Variants in PSG1 observed in about 807,000 individuals in gnomAD.
PSG1 encodes pregnancy-specific beta-1-glycoprotein 1.
PSG1 carries 60 observed loss-of-function variants against 41.4 expected under a neutral mutation model. The observed-to-expected ratio is 1.45, with a 90% CI of 1.18 to 1.80. PSG1 has a LOEUF of 1.80. PSG1 is among the 40% of genes most tolerant of loss of function. The pLI, the probability that PSG1 is intolerant of heterozygous loss-of-function variation, is 0.00. For missense variants in PSG1, 806 were observed against 516.9 expected, an observed-to-expected ratio of 1.56 and a Z score of -5.42; for synonymous variants, 256 against 192.9, an observed-to-expected ratio of 1.33 and a Z score of -2.71.
Position 42,877,976 on chromosome 19 carries a change from G to T in PSG1, c.367C>A (p.His123Asn). ...TREDAGSYTL[H>N]IIKGDDGTRG... ...GTCCCATCATCTCCCTTTATGATGTGTAAGGTGTAGGATCCTGCGTCCTCC... is the reference window on the plus strand; with the variant it reads ...GTCCCATCATCTCCCTTTATGATGTTTAAGGTGTAGGATCCTGCGTCCTCC... The change falls in exon 2 of 6, where the codon CAC (histidine) becomes AAC (asparagine). Residue 123 changes from histidine (H) to asparagine (N), a missense_variant. His to Asn is a moderately conservative substitution (Grantham distance 68). Transcript: ENST00000436291. The T allele has an allele frequency of 6.2e-7, 1 of 1,612,446 alleles. No homozygotes were observed. Among genetic ancestry groups the T allele is most frequent in the Non-Finnish European group, 8.5e-7 (1 of 1,179,156 alleles).
chr19:42,877,952 T>C lies in PSG1; in HGVS notation c.391A>G (p.Thr131Ala), dbSNP rs765051793. ...TLHIIKGDDG[T>A]RGVTGRFTFT... ...GTGAAACGTCCAGTTACTCCTCTAGTCCCATCATCTCCCTTTATGATGTGT... is the reference window on the plus strand; with the variant it reads ...GTGAAACGTCCAGTTACTCCTCTAGCCCCATCATCTCCCTTTATGATGTGT... The change falls in exon 2 of 6, where the codon ACT becomes GCT. Residue 131 changes from threonine (T) to alanine (A), a missense_variant. Thr to Ala is a moderately conservative substitution (Grantham distance 58, BLOSUM62 0). Transcript: ENST00000436291. The C allele has an allele frequency of 2.5e-6, 4 of 1,612,358 alleles. No homozygotes were observed. The Admixed American group carries it at 6.7e-5, about 27-fold the overall frequency.
In PSG1 at chr19:42,878,216, T is replaced by G. The variant is rs707745; in HGVS notation, c.127A>C (p.Thr43Pro). Residue 43 changes from threonine to proline, a missense_variant, in exon 2 of 6, where the codon ACC (threonine) becomes CCC (proline). By Grantham distance (38) the Thr-to-Pro change is conservative (BLOSUM62 -1). Transcript: ENST00000436291. ...TAQVTIEAEP[T>P]KVSEGKDVLL... ...ACATCCTTCCCCTCGGAAACTTTGG[T>G]TGGCTCGGCTTCAATCGTGACTTGG... is the stretch of plus-strand genomic sequence containing the variant. The G allele has an allele frequency of 0.29, 473,528 of 1,606,986 alleles. 81,748 individuals are homozygous for G. Among genetic ancestry groups the G allele is most frequent in the African/African-American group, 0.54 (39,946 of 74,044 alleles).
intron 2 of PSG1, 145 bp downstream of exon 2, chr19:42,877,768 G>C: frequency 6.6e-7 from 1 of 1,514,708 alleles, no homozygotes; most frequent in Middle Eastern, 1.7e-4. Context: ...TCCTCTGTGT[G>C]TGTCCTGCAC....
intron 3 of PSG1, chr19:42,870,775 T>G (rs1971349223): frequency 6.6e-6 from 1 of 151,766 alleles, no homozygotes; most frequent in South Asian, 2.1e-4. Flanking sequence ...CTTTAATTTC[T>G]TTCAGCAATG....
In PSG1 at chr19:42,879,650, C is replaced by T. The variant is rs190204370; in HGVS notation, c.-69G>A. 5.7e-6 allele frequency: 9 copies of T among 1,585,204 alleles called. No homozygotes were observed. In the Admixed American group the frequency reaches 1.4e-4, roughly 24 times the overall value. On this transcript the variant is annotated 5_prime_UTR_variant, in exon 1 of 6. Coordinates refer to ENST00000436291, the MANE Select transcript of PSG1 (RefSeq NM_001184825.2). ...GGATCCAGAAACTCTCTGAGCACGG[C>T]TGTCAGCTGTGCTGTCCTTCCTCTT...
At chr19:42,869,407 C>A (rs562596345) in intron 3 of PSG1, 6 of 320,234 alleles carry the variant, frequency 1.9e-5, no homozygotes, top group Non-Finnish European at 2.9e-5. Flanking sequence ...CTTCCAAATT[C>A]CATCCTACTT....
intron 1 of PSG1, 135 bp downstream of exon 1, chr19:42,879,383 A>C: frequency 1.5e-6 from 2 of 1,372,606 alleles, no homozygotes; most frequent in Non-Finnish European, 2.0e-6. Context: ...TGAACTTCTG[A>C]TCTCATGATC....
intron 4 of PSG1, among the ~76,000 whole-genome samples, 158 bp from the exon 5 acceptor site, chr19:42,868,513 CCT>C (rs1350473602): frequency 1.3e-5 from 2 of 151,388 alleles, no homozygotes; most frequent in African/African-American, 2.4e-5. Flanking sequence ...GAGGTATTCC[CCT>C]GTTTCTCCCA....
chr19:42,871,553 C>T (rs948429698), intron 3 of PSG1, among the ~76,000 whole-genome samples: 2 of 151,620 alleles, frequency 1.3e-5, no homozygotes, highest in Non-Finnish European at 2.9e-5. Flanking sequence ...AGCTGTGGAC[C>T]CTGAGTCTCC....
intron 3 of PSG1, 124 bp downstream of exon 3, chr19:42,871,643 G>A: frequency 1.2e-5 from 19 of 1,606,044 alleles, no homozygotes; most frequent in East Asian, 8.9e-5. Flanking sequence ...CAAAGTCATG[G>A]CCAGGTTTGA....
In PSG1 at chr19:42,866,998, T is replaced by C. The variant is rs774688471; in HGVS notation, c.*136A>G. 96 of 764,162 alleles carry C rather than the reference T, an allele frequency of 1.3e-4. 3 individuals carry two copies. The highest frequency in any genetic ancestry group is 9.0e-4 in the East Asian group (37 of 41,140). The allele number at this position is 764,162 out of a possible 1,614,324, so 47.3% of individuals were successfully genotyped here. A position where few individuals can be genotyped will look rare whatever the true frequency, so the allele number is the denominator to read the frequency against. On this transcript the variant is annotated 3_prime_UTR_variant, in exon 6 of 6. Transcript: ENST00000436291. Reference sequence around the variant, plus strand: ...ATTTTGGTGAGTTCTGAGTGGCTCATGCTTCACGTACAAGGGTTTTCCCAT... The same window carrying C: ...ATTTTGGTGAGTTCTGAGTGGCTCACGCTTCACGTACAAGGGTTTTCCCAT...
chr19:42,873,284 A>G (rs1716700099), intron 2 of PSG1, among the ~76,000 whole-genome samples: 1 of 151,702 alleles, frequency 6.6e-6, no homozygotes, highest in African/African-American at 2.4e-5. Flanking sequence ...GTACTGGTTT[A>G]GCATCCCAAA....
intron 2 of PSG1, among the ~76,000 whole-genome samples, chr19:42,874,349 AG>A (rs1343407508): frequency 6.7e-6 from 1 of 149,260 alleles, no homozygotes; most frequent in Admixed American, 6.7e-5. Context: ...TTTCTCTAAC[AG>A]GGTTTTTTTT....
chr19:42,872,068 A>T (rs1336759334), intron 2 of PSG1, 23 bp from the exon 3 acceptor site: 1 of 1,599,640 alleles, frequency 6.3e-7, no homozygotes, highest in East Asian at 2.2e-5. Flanking sequence ...CAGGGTGAAG[A>T]TTGCCGTGTG....
intron 5 of PSG1, 135 bp downstream of exon 5, chr19:42,867,966 T>C: frequency 6.3e-7 from 1 of 1,596,108 alleles, no homozygotes; most frequent in Admixed American, 1.7e-5. Context: ...TTTGGAGGGT[T>C]CAGGAGGAGA....
At position 42,866,870 on chromosome 19, in the gene PSG1, G is replaced by T; in HGVS notation, c.*264C>A. ...GAGGGGGGAGAGCCTCATCATGATGGGGAGTCTTGTTCTGACATCTTGGGA... is the reference window on the plus strand; with the variant it reads ...GAGGGGGGAGAGCCTCATCATGATGTGGAGTCTTGTTCTGACATCTTGGGA... On this transcript the variant is annotated 3_prime_UTR_variant, in exon 6 of 6. Transcript: ENST00000436291. The T allele has an allele frequency of 1.6e-6, 1 of 640,106 alleles. No homozygotes were observed. Among genetic ancestry groups the T allele is most frequent in the South Asian group, 1.8e-5 (1 of 55,998 alleles). The allele number at this position is 640,106 out of a possible 1,614,324, so 39.7% of individuals were successfully genotyped here.
chr19:42,879,086 C>G lies in PSG1; in HGVS notation c.64+432G>C, dbSNP rs368016584. Reference sequence around the variant, plus strand: ...TCCAATACGACTTTCCTGTTTTGACCCCTGTCCCTCTCTGGTGTATTTTCC... The same window carrying G: ...TCCAATACGACTTTCCTGTTTTGACGCCTGTCCCTCTCTGGTGTATTTTCC... On this transcript the variant is annotated intron_variant, in intron 1 of 5. Transcript: ENST00000436291. 9.9e-5 allele frequency among the ~76,000 whole-genome samples: 15 copies of G among 151,594 alleles called. No homozygotes were observed. In the East Asian group the frequency reaches 1.6e-3, roughly 16 times the overall value.
chr19:42,877,877 T>C (rs1464100356), intron 2 of PSG1, 36 bp downstream of exon 2: 1 of 1,611,734 alleles, frequency 6.2e-7, no homozygotes, highest in Admixed American at 1.7e-5. Flanking sequence ...GTGACCCCTG[T>C]CCCCCAACAC....
intron 1 of PSG1, among the ~76,000 whole-genome samples, chr19:42,879,287 G>C (rs1971764947): frequency 1.3e-5 from 2 of 150,952 alleles, no homozygotes; most frequent in Non-Finnish European, 3.0e-5. Context: ...CGAGTAGCTA[G>C]GATTATAGGA....
Sources: gnomAD v4.1 joint callset for allele counts (sites outside exome capture counted in the v4.1 genomes callset) on GRCh38, gnomAD v4.1.1 for gene constraint, MANE v1.5 for transcripts, NCBI Gene and HGNC (gene_info 2026-07-23, HGNC 2026-07-21) for gene names.